The following FER1L6 variants were observed in gnomAD, a reference collection of about 807,000 sequenced individuals.
FER1L6 encodes fer-1-like protein 6.
Under a neutral mutation model 219.2 loss-of-function variants are expected in FER1L6, and 177 were observed. The ratio of observed to expected loss-of-function variants is 0.81; its 90% confidence interval spans 0.71 to 0.91. The LOEUF (loss-of-function observed/expected upper bound fraction) is 0.91. Ranked by LOEUF, FER1L6 falls within the 40% of genes least tolerant of loss-of-function variation. The pLI is 0.00. For missense variants in FER1L6, 2,153 were observed against 2,259.9 expected, an observed-to-expected ratio of 0.95 and a Z score of 0.96; for synonymous variants, 768 against 824.3, an observed-to-expected ratio of 0.93 and a Z score of 1.17.
chr8:123,987,200 A>C (rs941996125), intron 12 of FER1L6, among the ~76,000 whole-genome samples: 15 of 152,190 alleles, frequency 9.9e-5, no homozygotes, highest in Non-Finnish European at 1.9e-4. Context: ...TGTTATTTGG[A>C]GACAAGCCAT....
rs369071883 is a variant in FER1L6 at position 124,060,294 on chromosome 8, C to G, written c.2985+4C>G. 5.0e-6 allele frequency: 8 copies of G among 1,613,266 alleles called. 1 individual carries two copies. In the Admixed American group the frequency reaches 1.3e-4, roughly 27 times the overall value. Reference sequence around the variant, plus strand: ...GCTGAGCAAATACCGAGTGGAGGTACGGGTCAGCGGAGGAGCTGAGTTGTT... The same window carrying G: ...GCTGAGCAAATACCGAGTGGAGGTAGGGGTCAGCGGAGGAGCTGAGTTGTT... On this transcript the variant is annotated splice_donor_region_variant and intron_variant, in intron 23 of 40. Transcript: ENST00000522917.
intron 39 of FER1L6, among the ~76,000 whole-genome samples, chr8:124,107,988 G>C (rs945531128): frequency 1.4e-4 from 21 of 152,336 alleles, no homozygotes; most frequent in African/African-American, 5.1e-4. Context: ...GATTGTCCTA[G>C]GGATTGTGAT....
Position 123,933,434 on chromosome 8 carries a change from G to A in FER1L6, c.-7-22558G>A, listed in dbSNP as rs1424468516. Among the ~76,000 whole-genome samples, 4 of 151,294 alleles carry A rather than the reference G, an allele frequency of 2.6e-5. No individual in the cohort carries two copies. The East Asian group carries it at 7.9e-4, about 30-fold the overall frequency. On this transcript the variant is annotated intron_variant, in intron 1 of 40. Transcript: ENST00000522917. The stretch of plus-strand genomic sequence containing the variant: ...TGTGTAGCCTCACACTAGCCTATAA[G>A]CTGCCAGACACAGGGATCAGGTTTT...
intron 13 of FER1L6, among the ~76,000 whole-genome samples, chr8:124,007,398 C>T (rs1188353962): frequency 6.6e-6 from 1 of 152,062 alleles, no homozygotes; most frequent in Non-Finnish European, 1.5e-5. Flanking sequence ...CACACAGTCC[C>T]AGGTGTTTGG....
intron 1 of FER1L6, among the ~76,000 whole-genome samples, chr8:123,887,679 G>T (rs1817229037): frequency 3.4e-5 from 4 of 117,844 alleles, no homozygotes; most frequent in Admixed American, 8.5e-5. Flanking sequence ...GATACTTTTG[G>T]GGGCTTGTTT....
intron 32 of FER1L6, among the ~76,000 whole-genome samples, chr8:124,077,716 G>C (rs188391902): frequency 6.6e-6 from 1 of 152,318 alleles, no homozygotes; most frequent in Admixed American, 6.5e-5. Context: ...TGGCAAACGA[G>C]AAGAGGACGA....
At chr8:124,118,697 A>G in intron 39 of FER1L6, 147 bp from the exon 40 acceptor site, 2 of 708,172 alleles carry the variant, frequency 2.8e-6, no homozygotes, top group East Asian at 2.7e-5. Context: ...CCAGGACCAA[A>G]AAAAGCAACA....
intron 12 of FER1L6, among the ~76,000 whole-genome samples, chr8:123,996,404 A>T (rs1415885097): frequency 6.6e-6 from 1 of 152,104 alleles, no homozygotes. Flanking sequence ...GTCTCTTTTC[A>T]TAATTTTTAT....
Position 124,094,909 on chromosome 8 carries a change from G to C in FER1L6, c.4566G>C (p.Glu1522Asp), listed in dbSNP as rs371361854. Residue 1522 changes from glutamate to aspartate, a missense_variant, in exon 35 of 41, where the codon GAG (glutamate) becomes GAC (aspartate). Glu to Asp is a conservative substitution (Grantham distance 45). Transcript: ENST00000522917. ...FTEEDTDETV[E>D]SYEHLALKVL... ...TCTTTCCTGCAGATGAGACAGTGGA[G>C]TCTTATGAACACCTGGCCCTCAAGG... is the stretch of plus-strand genomic sequence containing the variant. 7.1e-5 allele frequency: 115 copies of C among 1,614,028 alleles called. No homozygotes were observed. Among genetic ancestry groups the C allele is most frequent in the Admixed American group, 2.3e-4 (14 of 60,004 alleles).
At chr8:124,024,450 A>T (rs1352052396) in intron 18 of FER1L6, among the ~76,000 whole-genome samples, 2 of 151,696 alleles carry the variant, frequency 1.3e-5, no homozygotes, top group Non-Finnish European at 2.9e-5. Context: ...GAGAACATAC[A>T]GTATTTGGTT....
chr8:123,857,495 G>A (rs2130244471), intron 1 of FER1L6, among the ~76,000 whole-genome samples: 1 of 152,258 alleles, frequency 6.6e-6, no homozygotes, highest in Non-Finnish European at 1.5e-5. Flanking sequence ...GGGCAACAGG[G>A]TGAGACACTA....
At chr8:123,901,166 C>G (rs780694675) in intron 1 of FER1L6, among the ~76,000 whole-genome samples, 6 of 152,104 alleles carry the variant, frequency 3.9e-5, no homozygotes, top group Non-Finnish European at 7.4e-5. Context: ...TTGTAAATTA[C>G]CATTTCAATC....
Position 124,071,634 on chromosome 8 carries a change from G to C in FER1L6, c.4092+3G>C. On this transcript the variant is annotated splice_donor_region_variant and intron_variant, in intron 31 of 40. Transcript: ENST00000522917. ...TGATCAGAGTATACATTGTCGCGGT[G>C]AGCCATTCTTGTTTGCTCTGAGGGG... 1 of 1,611,434 alleles carries C rather than the reference G, an allele frequency of 6.2e-7. No homozygotes were observed. The highest frequency in any genetic ancestry group is 8.5e-7 in the Non-Finnish European group (1 of 1,177,918).
At chr8:124,105,513 T>G (rs1822729528) in intron 39 of FER1L6, among the ~76,000 whole-genome samples, 1 of 152,118 alleles carries the variant, frequency 6.6e-6, no homozygotes, top group Non-Finnish European at 1.5e-5. Context: ...GAGAGAGGAC[T>G]AGGCAGAGAT....
At chr8:124,051,969 G>A (rs72714696) in intron 22 of FER1L6, among the ~76,000 whole-genome samples, 7,155 of 152,254 alleles carry the variant, frequency 0.047, 236 homozygotes, top group Non-Finnish European at 0.071. Flanking sequence ...GAGTTCTTGG[G>A]GGAATGGATT....
intron 22 of FER1L6, among the ~76,000 whole-genome samples, chr8:124,057,059 AAAAC>A (rs1437007111): frequency 1.3e-5 from 2 of 152,038 alleles, no homozygotes; most frequent in Admixed American, 6.6e-5. Context: ...CAAAAAAACA[AAAAC>A]AAAAAACCTT....
intron 12 of FER1L6, among the ~76,000 whole-genome samples, chr8:123,990,095 C>T (rs200141910): frequency 6.6e-6 from 1 of 151,960 alleles, no homozygotes; most frequent in Non-Finnish European, 1.5e-5. Context: ...GGTGAAACCC[C>T]GTCTCTACTA....
chr8:123,874,356 T>G (rs1040744577), intron 1 of FER1L6, among the ~76,000 whole-genome samples: 3 of 152,192 alleles, frequency 2.0e-5, no homozygotes, highest in Non-Finnish European at 2.9e-5. Context: ...TATCCCTCAG[T>G]CTTCATGCCT....
At chr8:124,001,697 T>C (rs1409924439) in intron 12 of FER1L6, among the ~76,000 whole-genome samples, 1 of 152,180 alleles carries the variant, frequency 6.6e-6, no homozygotes, top group African/African-American at 2.4e-5. Flanking sequence ...GAAAGACTCT[T>C]AAGGACATAG....
Sources: gnomAD v4.1 joint callset for allele counts (sites outside exome capture counted in the v4.1 genomes callset) on GRCh38, gnomAD v4.1.1 for gene constraint, MANE v1.5 for transcripts, NCBI Gene and HGNC (gene_info 2026-07-23, HGNC 2026-07-21) for gene names.